Variants in PSPC1 observed in about 807,000 individuals in gnomAD.
PSPC1 encodes the protein paraspeckle protein 1.
Under a neutral mutation model 51.6 loss-of-function variants are expected in PSPC1, and 14 were observed. That is an observed-to-expected ratio of 0.27 (90% CI 0.18 to 0.42). The LOEUF (loss-of-function observed/expected upper bound fraction) is 0.42, where lower values mean the gene tolerates loss of function less well. Ranked by LOEUF, PSPC1 falls within the 10% of genes least tolerant of loss-of-function variation. The pLI, the probability that PSPC1 is intolerant of heterozygous loss-of-function variation, is 1.00. For synonymous variants in PSPC1, 193 were observed against 231.9 expected, an observed-to-expected ratio of 0.83 and a Z score of 1.53; for missense variants, 406 against 701.1, an observed-to-expected ratio of 0.58 and a Z score of 4.75.
At chr13:19,695,272 C>A in intron 6 of PSPC1, among the ~76,000 whole-genome samples, 1 of 152,196 alleles carries the variant, frequency 6.6e-6, no homozygotes, top group East Asian at 1.9e-4. Context: ...AACCCCTAGA[C>A]TTTAGTTGAC....
chr13:19,697,403 C>A lies in PSPC1; in HGVS notation c.1159-19580G>T, dbSNP rs1025164723. 3.9e-5 allele frequency among the ~76,000 whole-genome samples: 6 copies of A among 152,234 alleles called. No individual in the cohort carries two copies. The East Asian group carries it at 9.6e-4, about 24-fold the overall frequency. ...TTTTTTTCCACTGTTGTATCTTAAG[C>A]CCTAGAAAACTAACCAATACACAGT... On this transcript the variant is annotated intron_variant and NMD_transcript_variant, in intron 6 of 7. Coordinates refer to the PSPC1 transcript ENST00000471658.
intron 3 of PSPC1, among the ~76,000 whole-genome samples, chr13:19,754,647 C>T (rs551825715): frequency 1.3e-5 from 2 of 151,786 alleles, no homozygotes; most frequent in African/African-American, 4.8e-5. Flanking sequence ...ACCATGTTGG[C>T]CAGGCTGGTC....
At chr13:19,685,853 A>G (rs7334393) in intron 6 of PSPC1, among the ~76,000 whole-genome samples, 4,857 of 152,340 alleles carry the variant, frequency 0.032, 89 homozygotes, top group Middle Eastern at 0.075. Flanking sequence ...AGTTTCCTTT[A>G]CTACAGCTGT....
At chr13:19,717,215 ATGAAAAAAGTAT>A (rs1882204544) in intron 6 of PSPC1, among the ~76,000 whole-genome samples, 1 of 152,156 alleles carries the variant, frequency 6.6e-6, no homozygotes, top group Non-Finnish European at 1.5e-5. Flanking sequence ...GTATTAACTC[ATGAAAAAAGTAT>A]TAAGATACTG....
At chr13:19,776,782 C>G (rs1453987452) in intron 1 of PSPC1, among the ~76,000 whole-genome samples, 1 of 151,006 alleles carries the variant, frequency 6.6e-6, no homozygotes, top group Non-Finnish European at 1.5e-5. Context: ...TCTGGGATTA[C>G]AGGCGTGAGC....
At chr13:19,677,761 C>A (rs542631560) in exon 7 of PSPC1, 9 of 481,432 alleles carry the variant, frequency 1.9e-5, no homozygotes, top group South Asian at 1.2e-4. Flanking sequence ...CTGGTCTTAA[C>A]TCTTCTGAAT....
At chr13:19,750,455 C>CAA (rs538757692) in intron 4 of PSPC1, among the ~76,000 whole-genome samples, 2,343 of 61,786 alleles carry the variant, frequency 0.038, 36 homozygotes, top group East Asian at 0.18. Flanking sequence ...AACAAACAAA[C>CAA]AAAAATATAT....
At chr13:19,717,248 A>C (rs978091491) in intron 6 of PSPC1, among the ~76,000 whole-genome samples, 2 of 152,034 alleles carry the variant, frequency 1.3e-5, no homozygotes, top group African/African-American at 4.8e-5. Context: ...AACAATATAC[A>C]TCAGCAAATG....
chr13:19,733,806 AG>A lies in PSPC1; in HGVS notation c.1053-3463del, dbSNP rs757458516. Among the ~76,000 whole-genome samples, 516 of 149,474 alleles carry A rather than the reference AG, an allele frequency of 3.5e-3. 1 individual carries two copies. Among genetic ancestry groups the A allele is most frequent in the Non-Finnish European group, 6.3e-3 (426 of 67,306 alleles). The stretch of plus-strand genomic sequence containing the variant: ...AAAAAAATATATATATATATATATT[AG>A]GCAGGTATGGTGGCACACGCTTGTA... On this transcript the variant is annotated intron_variant, in intron 5 of 8. Coordinates refer to ENST00000338910, the MANE Select transcript of PSPC1 (RefSeq NM_001354909.2).
At chr13:19,696,922 G>T (rs761971304) in intron 6 of PSPC1, among the ~76,000 whole-genome samples, 1 of 152,166 alleles carries the variant, frequency 6.6e-6, no homozygotes, top group Non-Finnish European at 1.5e-5. Context: ...GTTCAAAAAT[G>T]TATGATAAAT....
chr13:19,748,230 A>AG (rs1231327721), intron 4 of PSPC1, among the ~76,000 whole-genome samples: 1 of 151,654 alleles, frequency 6.6e-6, no homozygotes, highest in African/African-American at 2.4e-5. Flanking sequence ...AAAAAGAAAA[A>AG]AAAAAAGAAA....
At chr13:19,680,505 G>A (rs1447781739) in intron 6 of PSPC1, among the ~76,000 whole-genome samples, 1 of 152,010 alleles carries the variant, frequency 6.6e-6, no homozygotes, top group Non-Finnish European at 1.5e-5. Flanking sequence ...CTCATAATTT[G>A]GATTTCAAAA....
intron 3 of PSPC1, among the ~76,000 whole-genome samples, chr13:19,752,670 T>G (rs1287141322): frequency 6.6e-6 from 1 of 151,952 alleles, no homozygotes; most frequent in Non-Finnish European, 1.5e-5. Context: ...ACTGCAACCT[T>G]CGCCTCCCGG....
chr13:19,752,274 C>T (rs1280199119), intron 3 of PSPC1, among the ~76,000 whole-genome samples: 2 of 152,118 alleles, frequency 1.3e-5, no homozygotes, highest in Non-Finnish European at 2.9e-5. Context: ...CAATTGACGA[C>T]ATCAAATGTG....
chr13:19,759,036 G>C (rs1887362965), intron 3 of PSPC1, among the ~76,000 whole-genome samples: 1 of 151,966 alleles, frequency 6.6e-6, no homozygotes, highest in Non-Finnish European at 1.5e-5. Flanking sequence ...TGTAATCCCA[G>C]CTACTCAGGA....
At chr13:19,764,682 TAAAA>T (rs68143550) in intron 2 of PSPC1, among the ~76,000 whole-genome samples, 8 of 78,246 alleles carry the variant, frequency 1.0e-4, no homozygotes, top group Non-Finnish European at 1.4e-4. Flanking sequence ...GAACTTGCCT[TAAAA>T]AAAAAAAAAA....
At position 19,777,429 on chromosome 13, in the gene PSPC1, CAA is replaced by C. The variant is rs397938970; in HGVS notation, c.373-4888_373-4887del. Reference sequence around the variant, plus strand: ...TGGGCGACACAGCAAGACCTCAGCTCAAAAAAAAAAAAAAAAAAAAAAGATAA... The same window carrying C: ...TGGGCGACACAGCAAGACCTCAGCTCAAAAAAAAAAAAAAAAAAAAGATAA... On this transcript the variant is annotated intron_variant, in intron 1 of 8. Coordinates refer to ENST00000338910, the MANE Select transcript of PSPC1 (RefSeq NM_001354909.2). Among the ~76,000 whole-genome samples the C allele has an allele frequency of 3.5e-4, 17 of 47,900 alleles. No individual in the cohort carries two copies. The East Asian group carries it at 5.6e-3, about 16-fold the overall frequency. The allele number at this position is 47,900 out of a possible 152,430, so 31.4% of individuals were successfully genotyped here. A position where few individuals can be genotyped will look rare whatever the true frequency, so the allele number is the denominator to read the frequency against.
Position 19,782,417 on chromosome 13 carries a change from T to C in PSPC1, c.341A>G (p.Asn114Ser), listed in dbSNP as rs765316376. The C allele has an allele frequency of 2.5e-6, 4 of 1,604,258 alleles. No individual in the cohort carries two copies. Among genetic ancestry groups the C allele is most frequent in the Admixed American group, 1.7e-5 (1 of 59,064 alleles). The part of the protein sequence containing the change: ...RYGEPSEVFI[N>S]RDRGFGFIRL... ...GATGAAGCCGAAGCCACGGTCCCGGTTGATGAAGACTTCGCTGGGCTCGCC... is the reference window on the plus strand; with the variant it reads ...GATGAAGCCGAAGCCACGGTCCCGGCTGATGAAGACTTCGCTGGGCTCGCC... The change falls in exon 1 of 9, where the codon AAC becomes AGC. Residue 114 changes from asparagine (N) to serine (S), a missense_variant. Physicochemically the swap from Asn to Ser is conservative, Grantham distance 46. Around this residue, in one of 5 missense-constraint regions of PSPC1, gnomAD observed 180 missense variants for 337.9 expected, o/e 0.53. Coordinates refer to ENST00000338910, the MANE Select transcript of PSPC1 (RefSeq NM_001354909.2). The surrounding 1 kb of genome is among the most constrained non-coding windows in gnomAD (Gnocchi z 4.5).
At chr13:19,715,749 C>G (rs1332227733) in intron 6 of PSPC1, among the ~76,000 whole-genome samples, 5 of 152,040 alleles carry the variant, frequency 3.3e-5, no homozygotes, top group Non-Finnish European at 5.9e-5. Context: ...TTTTTTTGGA[C>G]AGACACATAA....
Sources: gnomAD v4.1 joint callset for allele counts (sites outside exome capture counted in the v4.1 genomes callset) on GRCh38, gnomAD v4.1.1 for gene constraint, gnomAD v4.1.1 regional missense constraint, Gnocchi (gnomAD v3.1) non-coding constraint, MANE v1.5 for transcripts, NCBI Gene and HGNC (gene_info 2026-07-23, HGNC 2026-07-21) for gene names.